The following HLCS variants were observed in gnomAD, a reference collection of about 807,000 sequenced individuals.
HLCS encodes biotin--protein ligase.
HLCS carries 53 observed loss-of-function variants against 75.0 expected under a neutral mutation model. That is an observed-to-expected ratio of 0.71 (90% CI 0.57 to 0.89). The LOEUF is 0.89. HLCS is among the 40% of genes least tolerant of loss of function. HLCS has a pLI of 0.00. For synonymous variants in HLCS, 431 were observed against 428.6 expected, an observed-to-expected ratio of 1.01 and a Z score of -0.07; for missense variants, 966 against 1,074.0, an observed-to-expected ratio of 0.90 and a Z score of 1.41.
At chr21:36,827,858 G>A (rs1234307218) in intron 6 of HLCS, among the ~76,000 whole-genome samples, 1 of 146,708 alleles carries the variant, frequency 6.8e-6, no homozygotes, top group East Asian at 2.0e-4. Context: ...GGGTCATCCA[G>A]GCTGGAGTGC....
intron 6 of HLCS, among the ~76,000 whole-genome samples, chr21:36,870,621 G>A (rs1041525320): frequency 2.6e-5 from 4 of 152,120 alleles, no homozygotes; most frequent in Non-Finnish European, 2.9e-5. Flanking sequence ...TGATTGTTTC[G>A]GAATCATAGT....
At chr21:36,989,447 C>T (rs1281046246) in intron 1 of HLCS, among the ~76,000 whole-genome samples, 3 of 151,450 alleles carry the variant, frequency 2.0e-5, no homozygotes, top group Admixed American at 2.0e-4. Context: ...CCTCAGCCTC[C>T]TGAGTAGCTG....
chr21:36,753,090 G>T lies in HLCS; in HGVS notation c.*1156C>A, dbSNP rs1363622437. Reference sequence around the variant, plus strand: ...CATATCAAAAGGCTTCATTTCTTTTGTTCTTTCATGAGGCTTGTAGCACAT... The same window carrying T: ...CATATCAAAAGGCTTCATTTCTTTTTTTCTTTCATGAGGCTTGTAGCACAT... On this transcript the variant is annotated 3_prime_UTR_variant, in exon 11 of 11. Coordinates refer to ENST00000674895, the MANE Select transcript of HLCS (RefSeq NM_001352514.2). The surrounding 1 kb of genome is among the most constrained non-coding windows in gnomAD (Gnocchi z 4.3). The T allele has an allele frequency of 6.6e-6, 1 of 152,660 alleles. No homozygotes were observed. Among genetic ancestry groups the T allele is most frequent in the Non-Finnish European group, 1.5e-5 (1 of 68,036 alleles). 9.5% of individuals were successfully genotyped at this position (152,660 alleles called of 1,614,324 possible).
chr21:36,867,158 C>T (rs1038515822), intron 6 of HLCS, among the ~76,000 whole-genome samples: 4 of 152,172 alleles, frequency 2.6e-5, no homozygotes, highest in African/African-American at 9.7e-5. Flanking sequence ...AGAAACATCA[C>T]ACATGTACAT....
At chr21:36,770,175 T>C (rs1197863123) in intron 6 of HLCS, among the ~76,000 whole-genome samples, 1 of 137,826 alleles carries the variant, frequency 7.3e-6, no homozygotes, top group African/African-American at 2.8e-5. Flanking sequence ...AGATGCAGTC[T>C]CACTCTGTCG....
chr21:36,752,840 A>G lies in HLCS; in HGVS notation c.*1406T>C, dbSNP rs921754749. ...GTTTCTGGAATTAGCCTGACTGGGT[A>G]AGACCTGGATAAAGATGGTGCTAGT... On this transcript the variant is annotated 3_prime_UTR_variant, in exon 11 of 11. Transcript: ENST00000674895. The G allele has an allele frequency of 6.6e-6, 1 of 152,274 alleles. No individual in the cohort carries two copies. Among genetic ancestry groups the G allele is most frequent in the Non-Finnish European group, 1.5e-5 (1 of 68,046 alleles). 9.4% of individuals were successfully genotyped at this position (152,274 alleles called of 1,614,324 possible). A position where few individuals can be genotyped will look rare whatever the true frequency, so the allele number is the denominator to read the frequency against.
rs1374342004 is a variant in HLCS at position 36,749,889 on chromosome 21, G to GA, written c.*4356dup. ...GTTCAATAACAAAGGTTACTGTTGA[G>GA]AAAAAAGACCCTATCATAGATTTAC... On this transcript the variant is annotated 3_prime_UTR_variant, in exon 11 of 11. Transcript: ENST00000674895. 2.0e-5 allele frequency: 3 copies of GA among 152,152 alleles called. No homozygotes were observed. The highest frequency in any genetic ancestry group is 1.3e-4 in the Admixed American group (2 of 15,280). The allele number at this position is 152,152 out of a possible 1,614,324, so 9.4% of individuals were successfully genotyped here. A position where few individuals can be genotyped will look rare whatever the true frequency, so the allele number is the denominator to read the frequency against.
intron 6 of HLCS, among the ~76,000 whole-genome samples, chr21:36,889,469 A>C (rs2064681709): frequency 6.6e-6 from 1 of 152,202 alleles, no homozygotes; most frequent in South Asian, 2.1e-4. Flanking sequence ...CCTATGTTTC[A>C]CAGTCTAGCC....
At position 36,966,521 on chromosome 21, in the gene HLCS, C is replaced by A; in HGVS notation, c.118G>T (p.Gly40Cys). 1.0e-6 allele frequency: 1 copy of A among 989,294 alleles called. No individual in the cohort carries two copies. The highest frequency in any genetic ancestry group is 1.2e-6 in the Non-Finnish European group (1 of 833,570). The allele number at this position is 989,294 out of a possible 1,614,324, so 61.3% of individuals were successfully genotyped here. The change falls in exon 1 of 11, where the codon GGC (glycine) becomes TGC (cysteine). Residue 40 changes from glycine to cysteine, a missense_variant. Transcript: ENST00000674895. ...RASRCSFTFC[G>C]AAAQPPGARV... ...GCGCCCGGGGGCTGCGCGGCCGCGC[C>A]GCAGAAGGTGAAGGAACAGCGCGAG...
intron 6 of HLCS, among the ~76,000 whole-genome samples, chr21:36,835,869 G>T (rs200994221): frequency 6.6e-6 from 1 of 151,870 alleles, no homozygotes; most frequent in Admixed American, 6.6e-5. Context: ...TCTTTCCATG[G>T]GCCCTTTTGT....
chr21:36,820,888 C>T (rs979397110), intron 6 of HLCS, among the ~76,000 whole-genome samples: 1 of 152,172 alleles, frequency 6.6e-6, no homozygotes, highest in Non-Finnish European at 1.5e-5. Context: ...AAGTCAGCTC[C>T]GTGGGTGGTG....
chr21:36,953,890 A>G (rs973448326), intron 2 of HLCS, among the ~76,000 whole-genome samples: 18 of 152,214 alleles, frequency 1.2e-4, no homozygotes, highest in Non-Finnish European at 2.6e-4. Context: ...GTCCCTCATA[A>G]GATTACAATG....
chr21:36,966,726 G>GT, upstream of HLCS: 1 of 545,128 alleles, frequency 1.8e-6, no homozygotes, highest in Non-Finnish European at 2.3e-6. Flanking sequence ...GGGCCGCGCC[G>GT]CCCCCCCGGG....
chr21:36,928,262 A>G (rs1181683555), intron 5 of HLCS, among the ~76,000 whole-genome samples: 1 of 152,212 alleles, frequency 6.6e-6, no homozygotes, highest in Non-Finnish European at 1.5e-5. Flanking sequence ...AGATTCAAGG[A>G]CACCTAAGCA....
At chr21:36,771,273 A>G (rs557196920) in intron 6 of HLCS, among the ~76,000 whole-genome samples, 122 of 152,204 alleles carry the variant, frequency 8.0e-4, no homozygotes, top group African/African-American at 2.7e-3. Context: ...AAGAAACAAG[A>G]CAATCAACAA....
intron 6 of HLCS, among the ~76,000 whole-genome samples, chr21:36,792,455 A>AG (rs1019026971): frequency 3.6e-5 from 2 of 54,964 alleles, no homozygotes; most frequent in East Asian, 5.9e-4. Flanking sequence ...GAAAAGGAGA[A>AG]GGGGGGGAGG....
At chr21:36,866,577 G>C (rs1183825584) in intron 6 of HLCS, among the ~76,000 whole-genome samples, 2 of 152,154 alleles carry the variant, frequency 1.3e-5, no homozygotes, top group Non-Finnish European at 2.9e-5. Flanking sequence ...TCATTTACAC[G>C]ACTATTTTCA....
intron 6 of HLCS, among the ~76,000 whole-genome samples, chr21:36,840,468 T>TA (rs2054207614): frequency 6.6e-6 from 1 of 152,170 alleles, no homozygotes; most frequent in African/African-American, 2.4e-5. Flanking sequence ...TTTGGACCTC[T>TA]TATAGTGAAA....
At chr21:36,806,684 G>A (rs752434002) in intron 6 of HLCS, among the ~76,000 whole-genome samples, 4 of 152,210 alleles carry the variant, frequency 2.6e-5, no homozygotes, top group African/African-American at 4.8e-5. Flanking sequence ...GGAATGGGAC[G>A]AGGTAGGGGA....
Sources: gnomAD v4.1 joint callset for allele counts (sites outside exome capture counted in the v4.1 genomes callset) on GRCh38, gnomAD v4.1.1 for gene constraint, Gnocchi (gnomAD v3.1) non-coding constraint, MANE v1.5 for transcripts, NCBI Gene and HGNC (gene_info 2026-07-23, HGNC 2026-07-21) for gene names.